Variants in CCDC178 observed in about 807,000 individuals in gnomAD.
CCDC178 encodes coiled-coil domain containing 178.
Under a neutral mutation model 117.4 loss-of-function variants are expected in CCDC178, and 126 were observed. That is an observed-to-expected ratio of 1.07 (90% confidence interval 0.93 to 1.24). The LOEUF (loss-of-function observed/expected upper bound fraction) is 1.24, where lower values mean the gene tolerates loss of function less well. Among genes scored for constraint, CCDC178 ranks in the 50% most tolerant of loss-of-function variants. The pLI, the probability that CCDC178 is intolerant of heterozygous loss-of-function variation, is 0.00. For missense variants in CCDC178, 1,030 were observed against 986.9 expected (o/e 1.04, Z -0.59); for synonymous variants, 283 against 313.4 (o/e 0.90, Z 1.02).
At chr18:32,986,979 T>C (rs1243552149) in intron 21 of CCDC178, among the ~76,000 whole-genome samples, 1 of 150,868 alleles carries the variant, frequency 6.6e-6, no homozygotes, top group Non-Finnish European at 1.5e-5. Context: ...AAATTTCAAA[T>C]AAAAGGTTAG....
At chr18:32,948,988 T>C (rs1455685480) in intron 22 of CCDC178, among the ~76,000 whole-genome samples, 1 of 152,106 alleles carries the variant, frequency 6.6e-6, no homozygotes, top group Non-Finnish European at 1.5e-5. Context: ...GTCTTCGTTT[T>C]GCCCTATTTT....
chr18:33,130,307 T>C (rs1380909966), intron 20 of CCDC178, among the ~76,000 whole-genome samples: 4 of 152,070 alleles, frequency 2.6e-5, no homozygotes, highest in Non-Finnish European at 5.9e-5. Context: ...CTTAGAATAC[T>C]ATTAAAATGT....
intron 20 of CCDC178, among the ~76,000 whole-genome samples, chr18:33,196,159 T>C (rs2058927462): frequency 6.6e-6 from 1 of 152,204 alleles, no homozygotes; most frequent in African/African-American, 2.4e-5. Context: ...TACAACAGCA[T>C]CAGTTCCAAC....
intron 21 of CCDC178, among the ~76,000 whole-genome samples, chr18:33,003,720 T>C (rs1222109615): frequency 6.6e-6 from 1 of 151,980 alleles, no homozygotes; most frequent in Admixed American, 6.6e-5. Flanking sequence ...GCACTCAAAT[T>C]AGAAAGGAAG....
rs963018720 is a variant in CCDC178 at position 33,098,971 on chromosome 18, GA to G, written c.2239-6062del. Among the ~76,000 whole-genome samples the G allele has an allele frequency of 6.6e-5, 10 of 150,844 alleles. No homozygotes were observed. In the East Asian group the frequency reaches 7.9e-4, roughly 12 times the overall value. On this transcript the variant is annotated intron_variant, in intron 20 of 22. Transcript: ENST00000383096. ...AGCATAAACAAAAAGCTTCACAGAA[GA>G]AAAAAAAATCATTGATTTGAATCAG...
At chr18:32,988,520 T>A (rs990894667) in intron 21 of CCDC178, among the ~76,000 whole-genome samples, 2 of 152,288 alleles carry the variant, frequency 1.3e-5, no homozygotes, top group South Asian at 4.1e-4. Context: ...TGCAAACAGA[T>A]GATACTTAAG....
intron 9 of CCDC178, among the ~76,000 whole-genome samples, chr18:33,340,679 G>C (rs2062805379): frequency 1.3e-5 from 2 of 152,192 alleles, no homozygotes; most frequent in African/African-American, 2.4e-5. Flanking sequence ...CCAACATAGA[G>C]CTCGGGTTGT....
intron 21 of CCDC178, among the ~76,000 whole-genome samples, chr18:33,026,844 A>G (rs1253726594): frequency 6.6e-6 from 1 of 151,906 alleles, no homozygotes. Flanking sequence ...AGGTGAGGCA[A>G]ATCCAAATAT....
At chr18:32,941,755 C>T (rs1389769956) in intron 22 of CCDC178, among the ~76,000 whole-genome samples, 1 of 152,120 alleles carries the variant, frequency 6.6e-6, no homozygotes, top group Admixed American at 6.5e-5. Flanking sequence ...CAAAATTCAA[C>T]ATGTTCCAGA....
chr18:33,038,046 C>A (rs574208322), intron 21 of CCDC178, among the ~76,000 whole-genome samples: 49 of 151,950 alleles, frequency 3.2e-4, no homozygotes, highest in African/African-American at 1.2e-3. Context: ...TTAGATTGAT[C>A]AGAAAAACAC....
chr18:33,094,193 C>G (rs1368003061), intron 20 of CCDC178, among the ~76,000 whole-genome samples: 2 of 151,932 alleles, frequency 1.3e-5, no homozygotes, highest in African/African-American at 4.8e-5. Context: ...GCCAAAATGA[C>G]CAACTGAGAA....
At chr18:33,318,871 T>A (rs1483184744) in intron 11 of CCDC178, among the ~76,000 whole-genome samples, 4 of 152,136 alleles carry the variant, frequency 2.6e-5, no homozygotes, top group South Asian at 2.1e-4. Flanking sequence ...AATTAATAGA[T>A]TATGAAATGT....
At chr18:33,058,702 GT>G (rs2056870381) in intron 21 of CCDC178, among the ~76,000 whole-genome samples, 1 of 152,150 alleles carries the variant, frequency 6.6e-6, no homozygotes, top group Non-Finnish European at 1.5e-5. Flanking sequence ...TTTGTGAAAG[GT>G]GAATTGATGG....
chr18:33,367,883 A>G (rs1237779918), intron 6 of CCDC178, among the ~76,000 whole-genome samples: 1 of 152,042 alleles, frequency 6.6e-6, no homozygotes, highest in Non-Finnish European at 1.5e-5. Flanking sequence ...CATTTATTTC[A>G]TAATGAATCT....
At position 33,105,408 on chromosome 18, in the gene CCDC178, A is replaced by G. The variant is rs903023592; in HGVS notation, c.2239-12498T>C. On this transcript the variant is annotated intron_variant, in intron 20 of 22. Coordinates refer to ENST00000383096, the MANE Select transcript of CCDC178 (RefSeq NM_001105528.4). ...AGTAGTTTCTCAGTAAACATTACTG[A>G]ACAATTTAGTAAATGTGTGAAACTG... is the stretch of plus-strand genomic sequence containing the variant. Among the ~76,000 whole-genome samples, 10 of 151,682 alleles carry G rather than the reference A, an allele frequency of 6.6e-5. No homozygotes were observed. In the Admixed American group the frequency reaches 6.6e-4, roughly 10 times the overall value.
intron 7 of CCDC178, among the ~76,000 whole-genome samples, chr18:33,351,500 T>A (rs1416748615): frequency 6.6e-6 from 1 of 151,940 alleles, no homozygotes; most frequent in Non-Finnish European, 1.5e-5. Flanking sequence ...GCCGTATAAT[T>A]ATATTAATGC....
intron 10 of CCDC178, among the ~76,000 whole-genome samples, chr18:33,329,880 T>A (rs1235714602): frequency 1.7e-4 from 7 of 40,196 alleles, no homozygotes; most frequent in Non-Finnish European, 5.6e-4. Context: ...TATTAGAGTG[T>A]GTGTGTGTGT....
rs1214332638 is a variant in CCDC178 at position 32,952,781 on chromosome 18, T to TC, written c.2524-14691_2524-14690insG. Among the ~76,000 whole-genome samples the TC allele has an allele frequency of 3.3e-5, 5 of 150,968 alleles. No individual in the cohort carries two copies. In the East Asian group the frequency reaches 9.7e-4, roughly 29 times the overall value. ...CTGCAAATTTTATAAACTTTTTTTT[T>TC]TTTTTTTTTTGAGATGGAGTCTCGC... On this transcript the variant is annotated intron_variant, in intron 22 of 22. Coordinates refer to ENST00000383096, the MANE Select transcript of CCDC178 (RefSeq NM_001105528.4).
intron 21 of CCDC178, among the ~76,000 whole-genome samples, chr18:33,020,261 A>G (rs1480615222): frequency 6.6e-6 from 1 of 151,842 alleles, no homozygotes; most frequent in African/African-American, 2.4e-5. Flanking sequence ...CTCACTATTA[A>G]TATCTTATGT....
Sources: allele counts gnomAD v4.1 joint callset (sites outside exome capture counted in the v4.1 genomes callset), GRCh38; gene constraint gnomAD v4.1.1; transcripts MANE v1.5; gene names NCBI Gene and HGNC (gene_info 2026-07-23, HGNC 2026-07-21).